The following NCOA1 variants were observed in gnomAD, a reference collection of about 807,000 sequenced individuals.
NCOA1 encodes nuclear receptor coactivator 1, also known as Hin-2 protein.
NCOA1 carries 35 observed loss-of-function variants against 150.9 expected under a neutral mutation model. The observed-to-expected ratio is 0.23, with a 90% CI of 0.18 to 0.31. NCOA1 has a LOEUF of 0.31. NCOA1 is among the 10% of genes least tolerant of loss of function. The pLI is 1.00. For synonymous variants in NCOA1, 590 were observed against 630.0 expected (o/e 0.94, Z 0.95); for missense variants, 1,491 against 1,749.3 (o/e 0.85, Z 2.63).
chr2:24,590,845 T>A (rs1667623811), intron 3 of NCOA1, among the ~76,000 whole-genome samples: 2 of 152,208 alleles, frequency 1.3e-5, no homozygotes, highest in South Asian at 4.1e-4. Flanking sequence ...ATTTATTTTC[T>A]CCATAGGACT....
intron 14 of NCOA1, among the ~76,000 whole-genome samples, chr2:24,726,218 C>T (rs866283272): frequency 5.9e-5 from 9 of 152,032 alleles, no homozygotes; most frequent in African/African-American, 2.2e-4. Flanking sequence ...ACTCTTATTT[C>T]GTGGTGATGA....
At chr2:24,704,308 A>C (rs1454326941) in intron 11 of NCOA1, among the ~76,000 whole-genome samples, 1 of 152,204 alleles carries the variant, frequency 6.6e-6, no homozygotes, top group Non-Finnish European at 1.5e-5. Context: ...ATCAAAACTT[A>C]GTAAATTTTA....
At chr2:24,722,969 C>T (rs939716750) in intron 14 of NCOA1, among the ~76,000 whole-genome samples, 1 of 107,796 alleles carries the variant, frequency 9.3e-6, no homozygotes, top group African/African-American at 3.5e-5. Context: ...CCAGCCTGGG[C>T]GACAGTGAGA....
chr2:24,695,951 T>C (rs56376757), intron 10 of NCOA1, among the ~76,000 whole-genome samples: 2,107 of 152,284 alleles, frequency 0.014, 49 homozygotes, highest in African/African-American at 0.049. Context: ...AGGAGCATTA[T>C]TGTATAGGAA....
chr2:24,511,949 A>C (rs1057396498), intron 1 of NCOA1, among the ~76,000 whole-genome samples: 3 of 152,168 alleles, frequency 2.0e-5, no homozygotes, highest in African/African-American at 7.2e-5. Context: ...TTCCAAATAC[A>C]TACATCAGTA....
chr2:24,756,687 G>T (rs1664516816), intron 20 of NCOA1, among the ~76,000 whole-genome samples: 1 of 152,130 alleles, frequency 6.6e-6, no homozygotes, highest in South Asian at 2.1e-4. Flanking sequence ...TAAAATATTT[G>T]ATGTTTATAG....
rs764443539 is a variant in NCOA1 at position 24,728,392 on chromosome 2, A to G, written c.2802A>G (p.Glu934=). Residue 934 remains glutamate, a synonymous_variant, in exon 16 of 23, where the codon GAA becomes GAG. Transcript: ENST00000348332. ...EGRNDEKALL[E]QLVSFLSGKD... The stretch of plus-strand genomic sequence containing the variant: ...GAAATGATGAGAAGGCTCTTCTTGA[A>G]CAGCTGGTATCCTTCCTTAGTGGCA... The G allele has an allele frequency of 1.9e-5, 31 of 1,613,608 alleles. No individual in the cohort carries two copies. The African/African-American group carries it at 3.3e-4, about 17-fold the overall frequency.
intron 1 of NCOA1, among the ~76,000 whole-genome samples, chr2:24,545,661 T>C (rs1258192588): frequency 6.6e-6 from 1 of 152,224 alleles, no homozygotes; most frequent in African/African-American, 2.4e-5. Flanking sequence ...TTACATAGGA[T>C]ATAGCATTAA....
intron 19 of NCOA1, among the ~76,000 whole-genome samples, chr2:24,748,634 A>T (rs1664063257): frequency 1.1e-5 from 1 of 90,796 alleles, no homozygotes; most frequent in African/African-American, 3.3e-5. Context: ...AAAAAAAAAA[A>T]ATGTAACCTA....
rs756218816 is a variant in NCOA1, at chr2:24,739,515, A to G, written c.3285A>G (p.Gln1095=). Residue 1095 remains glutamine, a synonymous_variant, in exon 18 of 23, where the codon CAA becomes CAG. Transcript: ENST00000348332. The stretch of plus-strand genomic sequence containing the variant: ...GCATCAATATGAGATCAGGCATGCA[A>G]CAGCAAATTACACCTCAGGTAATGT... ...PVGINMRSGM[Q]QQITPQPPLN... is the part of the protein sequence containing the mutation. 2.5e-6 allele frequency: 4 copies of G among 1,613,126 alleles called. No individual in the cohort carries two copies. Among genetic ancestry groups the G allele is most frequent in the Admixed American group, 1.7e-5 (1 of 59,996 alleles).
At chr2:24,587,387 G>A (rs900369825) in intron 3 of NCOA1, among the ~76,000 whole-genome samples, 1 of 151,964 alleles carries the variant, frequency 6.6e-6, no homozygotes, top group Non-Finnish European at 1.5e-5. Context: ...TTTTCAAGAG[G>A]TTGCTTTTAG....
At chr2:24,649,512 G>T (rs1409184417) in intron 4 of NCOA1, among the ~76,000 whole-genome samples, 1 of 152,140 alleles carries the variant, frequency 6.6e-6, no homozygotes, top group African/African-American at 2.4e-5. Context: ...TGGATTCATA[G>T]TTTCATAAGG....
intron 1 of NCOA1, among the ~76,000 whole-genome samples, chr2:24,542,778 A>T (rs1046370459): frequency 1.3e-5 from 2 of 152,232 alleles, no homozygotes; most frequent in African/African-American, 4.8e-5. Context: ...TTCAGAAATT[A>T]TACTAACTTT....
At chr2:24,639,809 A>G (rs1242256539) in intron 3 of NCOA1, among the ~76,000 whole-genome samples, 1 of 149,946 alleles carries the variant, frequency 6.7e-6, no homozygotes, top group Non-Finnish European at 1.5e-5. Flanking sequence ...AATCTCTTGA[A>G]CCTGGGAGGC....
rs536333005 is a variant in NCOA1, at chr2:24,670,673, G to A, written c.257-2693G>A. On this transcript the variant is annotated intron_variant, in intron 6 of 22. Transcript: ENST00000348332. ...ATTGGTAGATGCCTCAGACTTAGGG[G>A]TATTGGAAAAATGGGGAGTGACTGG... 3.1e-4 allele frequency among the ~76,000 whole-genome samples: 47 copies of A among 152,218 alleles called. 1 individual carries two copies. The South Asian group carries it at 9.3e-3, about 30-fold the overall frequency.
At chr2:24,505,626 G>A (rs747513173) in intron 1 of NCOA1, among the ~76,000 whole-genome samples, 3 of 151,940 alleles carry the variant, frequency 2.0e-5, no homozygotes, top group Non-Finnish European at 4.4e-5. Context: ...GTTAATTTAG[G>A]CTGTGTAGTA....
chr2:24,552,587 G>A (rs945287141), intron 1 of NCOA1, among the ~76,000 whole-genome samples: 2 of 151,372 alleles, frequency 1.3e-5, no homozygotes, highest in South Asian at 2.1e-4. Context: ...GGATGGCCTT[G>A]ATCTCCTGAC....
intron 22 of NCOA1, chr2:24,767,835 A>G: frequency 2.4e-6 from 1 of 424,910 alleles, no homozygotes; most frequent in African/African-American, 2.0e-5. Flanking sequence ...TCCTACTGAA[A>G]TCATCCATAG....
intron 3 of NCOA1, among the ~76,000 whole-genome samples, chr2:24,591,708 C>A (rs116012469): frequency 1.1e-4 from 17 of 152,230 alleles, no homozygotes; most frequent in African/African-American, 4.1e-4. Context: ...AGAGAACACT[C>A]TTCTCTGACA....
Sources: allele counts gnomAD v4.1 joint callset (sites outside exome capture counted in the v4.1 genomes callset), GRCh38; gene constraint gnomAD v4.1.1; transcripts MANE v1.5; gene names NCBI Gene and HGNC (gene_info 2026-07-23, HGNC 2026-07-21).